The following NEIL3 variants were observed in gnomAD, a reference collection of about 807,000 sequenced individuals.
NEIL3 encodes the protein endonuclease 8-like 3.
NEIL3 carries 48 observed loss-of-function variants against 57.5 expected under a neutral mutation model. The observed-to-expected ratio is 0.83, with a 90% confidence interval of 0.66 to 1.06. NEIL3 has a LOEUF of 1.06. NEIL3 is among the 50% of genes least tolerant of loss of function. The pLI, the probability that NEIL3 is intolerant of heterozygous loss-of-function variation, is 0.00. For missense variants in NEIL3, 717 were observed against 739.1 expected, an observed-to-expected ratio of 0.97 and a Z score of 0.35; for synonymous variants, 261 against 253.2, an observed-to-expected ratio of 1.03 and a Z score of -0.29.
intron 9 of NEIL3, among the ~76,000 whole-genome samples, chr4:177,361,267 A>G (rs892451382): frequency 1.3e-5 from 2 of 152,222 alleles, no homozygotes; most frequent in African/African-American, 4.8e-5. Flanking sequence ...CCGTTTAGTC[A>G]GTCTCACTTC....
downstream of NEIL3, chr4:177,362,940 A>G (rs984663617): frequency 1.3e-5 from 2 of 152,176 alleles, no homozygotes; most frequent in African/African-American, 4.8e-5. Flanking sequence ...TCCTTTATGA[A>G]CAAGTCTATT....
intron 2 of NEIL3, 81 bp downstream of exon 2, chr4:177,322,661 A>G (rs1465129796): frequency 6.5e-7 from 1 of 1,536,102 alleles, no homozygotes; most frequent in Non-Finnish European, 9.0e-7. Context: ...GCCGGGTGTC[A>G]CATTTAATCA....
downstream of NEIL3, among the ~76,000 whole-genome samples, chr4:177,365,294 T>C (rs976447123): frequency 1.3e-5 from 2 of 152,150 alleles, no homozygotes; most frequent in African/African-American, 4.8e-5. Flanking sequence ...GAGGGCATCC[T>C]GGCCAGGGAG....
chr4:177,328,476 G>T (rs1451316933), intron 2 of NEIL3, among the ~76,000 whole-genome samples: 1 of 152,080 alleles, frequency 6.6e-6, no homozygotes, highest in African/African-American at 2.4e-5. Flanking sequence ...TTAATACAAA[G>T]GAACAAAGCT....
intron 6 of NEIL3, among the ~76,000 whole-genome samples, chr4:177,344,597 G>T (rs6823747): frequency 6.6e-6 from 1 of 151,996 alleles, no homozygotes; most frequent in African/African-American, 2.4e-5. Context: ...GTCTCACTCT[G>T]ATCACCCAGG....
chr4:177,315,441 G>A (rs2111110451), intron 1 of NEIL3, among the ~76,000 whole-genome samples: 1 of 152,260 alleles, frequency 6.6e-6, no homozygotes, highest in African/African-American at 2.4e-5. Context: ...AAACTAAAAA[G>A]GATGAAATGT....
intron 1 of NEIL3, among the ~76,000 whole-genome samples, chr4:177,310,439 A>G (rs1470126818): frequency 6.6e-6 from 1 of 152,162 alleles, no homozygotes; most frequent in African/African-American, 2.4e-5. Flanking sequence ...ATTTTTTACT[A>G]TTGATATTAT....
downstream of NEIL3, among the ~76,000 whole-genome samples, chr4:177,364,010 T>A (rs560849324): frequency 1.1e-4 from 16 of 152,276 alleles, no homozygotes; most frequent in Admixed American, 9.2e-4. Context: ...CCTTCCAAAG[T>A]GTTGGGATTA....
chr4:177,352,626 C>T (rs943574982), intron 7 of NEIL3, among the ~76,000 whole-genome samples: 34 of 151,986 alleles, frequency 2.2e-4, no homozygotes, highest in Non-Finnish European at 4.4e-4. Context: ...GTCAGGAGAT[C>T]GAGACCATCC....
chr4:177,311,125 A>AT (rs1341620517), intron 1 of NEIL3, among the ~76,000 whole-genome samples: 1 of 151,942 alleles, frequency 6.6e-6, no homozygotes, highest in South Asian at 2.1e-4. Context: ...ACAGAGATGG[A>AT]TTTTAGATGG....
At chr4:177,368,662 G>A in the NEIL3 span, among the ~76,000 whole-genome samples, 1 of 152,172 alleles carries the variant, frequency 6.6e-6, no homozygotes, top group Non-Finnish European at 1.5e-5. Flanking sequence ...TTAATATAAT[G>A]TCAGTCTATT....
chr4:177,352,940 G>GCTGAC (rs1305476498), intron 7 of NEIL3, among the ~76,000 whole-genome samples: 2 of 151,982 alleles, frequency 1.3e-5, no homozygotes, highest in Admixed American at 6.6e-5. Flanking sequence ...GTCTCTAACT[G>GCTGAC]CTGACCTAAA....
intron 2 of NEIL3, among the ~76,000 whole-genome samples, chr4:177,323,289 T>G (rs1046374862): frequency 2.0e-5 from 3 of 152,236 alleles, no homozygotes; most frequent in Non-Finnish European, 1.5e-5. Flanking sequence ...TTTTGCCAAC[T>G]GTAAAAATTG....
chr4:177,352,403 A>C (rs1345041861), intron 7 of NEIL3, among the ~76,000 whole-genome samples: 1 of 152,232 alleles, frequency 6.6e-6, no homozygotes, highest in Non-Finnish European at 1.5e-5. Context: ...TCTGAAATGC[A>C]TTTATATGTC....
chr4:177,319,286 G>C (rs1344746215), intron 1 of NEIL3, among the ~76,000 whole-genome samples: 1 of 152,150 alleles, frequency 6.6e-6, no homozygotes, highest in Non-Finnish European at 1.5e-5. Context: ...GTAGGGAGAA[G>C]ACAAGTAGTG....
intron 8 of NEIL3, among the ~76,000 whole-genome samples, chr4:177,358,210 T>C (rs6818521): frequency 0.016 from 2,377 of 152,332 alleles, 72 homozygotes; most frequent in African/African-American, 0.053. Context: ...GTCTGTGTTT[T>C]CTAACAAGCT....
intron 8 of NEIL3, among the ~76,000 whole-genome samples, chr4:177,356,581 CACA>C (rs1421556880): frequency 6.6e-6 from 1 of 152,204 alleles, no homozygotes; most frequent in African/African-American, 2.4e-5. Context: ...AGCAGAAGCT[CACA>C]ACATAATACT....
intron 6 of NEIL3, among the ~76,000 whole-genome samples, chr4:177,349,910 A>G (rs1735316667): frequency 6.6e-6 from 1 of 152,224 alleles, no homozygotes; most frequent in East Asian, 1.9e-4. Context: ...TGTTTGTTTA[A>G]TTATAGATAA....
chr4:177,364,762 T>C (rs980889090), downstream of NEIL3, among the ~76,000 whole-genome samples: 2 of 151,974 alleles, frequency 1.3e-5, no homozygotes, highest in Admixed American at 6.5e-5. Flanking sequence ...ACCCTGTCTC[T>C]ACTAAAAATA....
Sources: gnomAD v4.1 joint callset for allele counts (sites outside exome capture counted in the v4.1 genomes callset) on GRCh38, gnomAD v4.1.1 for gene constraint, MANE v1.5 for transcripts, NCBI Gene and HGNC (gene_info 2026-07-23, HGNC 2026-07-21) for gene names.